The following ARL10 variants were observed in gnomAD, a reference collection of about 807,000 sequenced individuals.
The protein encoded by ARL10 is ARF like GTPase 10.
ARL10 carries 23 observed loss-of-function variants against 26.1 expected under a neutral mutation model. That is an observed-to-expected ratio of 0.88 (90% CI 0.63 to 1.25). The LOEUF (loss-of-function observed/expected upper bound fraction) is 1.25, where lower values mean the gene tolerates loss of function less well. Among genes scored for constraint, ARL10 ranks in the 50% most tolerant of loss-of-function variants. ARL10 has a pLI of 0.00. For missense variants in ARL10, 300 were observed against 323.6 expected, an observed-to-expected ratio of 0.93 and a Z score of 0.56; for synonymous variants, 138 against 149.1, an observed-to-expected ratio of 0.93 and a Z score of 0.54.
downstream of ARL10, chr5:176,383,898 GC>G: frequency 1.4e-6 from 2 of 1,386,304 alleles, no homozygotes; most frequent in Non-Finnish European, 1.9e-6. Flanking sequence ...CACCGGGGCA[GC>G]CCCAGGGTTT....
chr5:176,398,104 G>A, intron 1 of ARL10: 1 of 1,500,742 alleles, frequency 6.7e-7, no homozygotes, highest in Non-Finnish European at 9.3e-7. Flanking sequence ...CGCTGTCTCT[G>A]CTGCCCCTGC....
chr5:176,369,587 G>T (rs960632351), intron 3 of ARL10, among the ~76,000 whole-genome samples: 2 of 152,118 alleles, frequency 1.3e-5, no homozygotes, highest in Non-Finnish European at 2.9e-5. Context: ...ACCCTATAAA[G>T]TATGGGATGC....
downstream of ARL10, chr5:176,392,594 G>C: frequency 1.6e-6 from 1 of 622,454 alleles, no homozygotes. The surrounding 1 kb of genome is among the most constrained non-coding windows in gnomAD (Gnocchi z 5.2). Flanking sequence ...GGCTGGACCA[G>C]AGGGCCAGGA....
rs1768401507 is a variant in ARL10, at chr5:176,368,434, G to A, written c.386-373G>A. Among the ~76,000 whole-genome samples, 1 of 152,072 alleles carries A rather than the reference G, an allele frequency of 6.6e-6. No individual in the cohort carries two copies. The highest frequency in any genetic ancestry group is 2.4e-5 in the African/African-American group (1 of 41,414). On this transcript the variant is annotated intron_variant, in intron 2 of 3. Coordinates refer to ENST00000310389, the MANE Select transcript of ARL10 (RefSeq NM_173664.6). This position sits in a 1 kb window ranked among gnomAD's most constrained non-coding sequence, Gnocchi z 4.1. ...AGAACTGAAGACTTCCATTTACTGA[G>A]CACCTGTGTGTCAGTCCCGTGAAAG...
chr5:176,398,117 G>C (rs919173989), intron 1 of ARL10: 25 of 1,397,054 alleles, frequency 1.8e-5, no homozygotes, highest in Non-Finnish European at 2.3e-5. Flanking sequence ...GCCCCTGCTG[G>C]GGACCCACTC....
chr5:176,388,369 A>C lies in ARL10; in HGVS notation c.111A>C (p.Gly37=), dbSNP rs372982357. Residue 37 remains glycine (G), a synonymous_variant, in exon 2 of 2, where the codon GGA becomes GGC. Coordinates refer to the ARL10 transcript ENST00000503175. The stretch of plus-strand genomic sequence containing the variant: ...CTACCGGCAAAGAGAGACATCGCGG[A>C]TCCGTCATCTCGCGGACCGTCCCGG... 2.7e-5 allele frequency: 43 copies of C among 1,612,850 alleles called. No individual in the cohort carries two copies. In the African/African-American group the frequency reaches 4.9e-4, roughly 19 times the overall value.
chr5:176,371,232 A>G lies in ARL10; in HGVS notation c.562-490A>G, dbSNP rs190223158. 1.8e-3 allele frequency among the ~76,000 whole-genome samples: 276 copies of G among 152,164 alleles called. 1 individual carries two copies. The highest frequency in any genetic ancestry group is 2.2e-3 in the Non-Finnish European group (147 of 67,992). The stretch of plus-strand genomic sequence containing the variant: ...TCTACTAAAAATACAAAAATTAGCC[A>G]GGCGTGGTGGCTCACACCTGTAGTC... On this transcript the variant is annotated intron_variant, in intron 3 of 3. Transcript: ENST00000310389.
At chr5:176,384,098 G>C, downstream of ARL10, 1 of 1,605,190 alleles carries the variant, frequency 6.2e-7, no homozygotes, top group African/African-American at 1.3e-5. Context: ...GCACGTGTGT[G>C]TGTAACCTTC....
Position 176,372,229 on chromosome 5 carries a change from T to G in ARL10, c.*334T>G. 2 of 416,158 alleles carry G rather than the reference T, an allele frequency of 4.8e-6. No homozygotes were observed. Among genetic ancestry groups the G allele is most frequent in the Non-Finnish European group, 7.4e-6 (2 of 272,054 alleles). The allele number at this position is 416,158 out of a possible 1,614,324, so 25.8% of individuals were successfully genotyped here. On this transcript the variant is annotated 3_prime_UTR_variant, in exon 4 of 4. Transcript: ENST00000310389. ...CTCAATCCTCCACTACAGGTCCCGG[T>G]ACCTGAGGAACCAGTGTAGGTGTCA...
chr5:176,403,740 C>T (rs888042229), downstream of ARL10, among the ~76,000 whole-genome samples: 2 of 151,134 alleles, frequency 1.3e-5, no homozygotes, highest in Admixed American at 6.6e-5. Context: ...GCGTGAGCCA[C>T]GGTGCCCGGC....
Position 176,371,830 on chromosome 5 carries a change from G to A in ARL10, c.670G>A (p.Gly224Arg). The A allele has an allele frequency of 3.1e-6, 5 of 1,614,216 alleles. No homozygotes were observed. The highest frequency in any genetic ancestry group is 4.2e-6 in the Non-Finnish European group (5 of 1,180,046). ...FLLAASIAPA[G>R]PTFEEPGTVH... Reference sequence around the variant, plus strand: ...CTTGGCAGCCAGCATTGCCCCTGCAGGACCCACCTTTGAAGAGCCTGGCAC... The same window carrying A: ...CTTGGCAGCCAGCATTGCCCCTGCAAGACCCACCTTTGAAGAGCCTGGCAC... The change falls in exon 4 of 4, where the codon GGA becomes AGA. Residue 224 changes from glycine (G) to arginine (R), a missense_variant. Transcript: ENST00000310389.
chr5:176,396,592 G>T, intron 1 of ARL10: 1 of 1,234,968 alleles, frequency 8.1e-7, no homozygotes, highest in Non-Finnish European at 1.2e-6. Context: ...AAGACAGACA[G>T]GCAGGCAGAA....
At chr5:176,388,688 G>T, downstream of ARL10, 2 of 1,381,846 alleles carry the variant, frequency 1.4e-6, no homozygotes, top group South Asian at 1.3e-5. Context: ...TGAGCACTAC[G>T]ACTCCCAGGA....
intron 1 of ARL10, among the ~76,000 whole-genome samples, chr5:176,394,630 C>A (rs113661709): frequency 1.4e-5 from 2 of 147,736 alleles, no homozygotes; most frequent in African/African-American, 5.0e-5. Context: ...CTGGCTAACA[C>A]GGTGAAACCC....
At position 176,369,770 on chromosome 5, in the gene ARL10, A is replaced by AC. The variant is rs1281646307; in HGVS notation, c.561+789dup. ...CAGGAGTTCGAGACCAGCCTGGGCAACATGGTGAAACTCCGTCTCTACAAA... is the reference window on the plus strand; with the variant it reads ...CAGGAGTTCGAGACCAGCCTGGGCAACCATGGTGAAACTCCGTCTCTACAAA... On this transcript the variant is annotated intron_variant, in intron 3 of 3. Transcript: ENST00000310389. 2.6e-5 allele frequency among the ~76,000 whole-genome samples: 4 copies of AC among 152,134 alleles called. No homozygotes were observed. In the East Asian group the frequency reaches 7.7e-4, roughly 29 times the overall value.
chr5:176,406,088 C>A, downstream of ARL10: 1 of 926,000 alleles, frequency 1.1e-6, no homozygotes. Context: ...TATTTTCCTG[C>A]CCCTGTCCCC....
downstream of ARL10, chr5:176,385,478 T>C: frequency 1.6e-6 from 1 of 614,642 alleles, no homozygotes; most frequent in Non-Finnish European, 2.9e-6. Context: ...CCCAAATCCA[T>C]TGTTGGAACC....
At chr5:176,371,192 C>A (rs545978527) in intron 3 of ARL10, among the ~76,000 whole-genome samples, 5 of 152,044 alleles carry the variant, frequency 3.3e-5, no homozygotes, top group Non-Finnish European at 7.4e-5. Flanking sequence ...CTGGCCAGCA[C>A]GGCGAAACCC....
intron 1 of ARL10, among the ~76,000 whole-genome samples, chr5:176,394,443 G>A (rs1454983194): frequency 2.0e-5 from 3 of 152,176 alleles, no homozygotes; most frequent in African/African-American, 4.8e-5. Context: ...AGGCAGAGGC[G>A]GGTGGATCAC....
Sources: allele counts gnomAD v4.1 joint callset (sites outside exome capture counted in the v4.1 genomes callset), GRCh38; gene constraint gnomAD v4.1.1; non-coding constraint Gnocchi (gnomAD v3.1); transcripts MANE v1.5; gene names NCBI Gene and HGNC (gene_info 2026-07-23, HGNC 2026-07-21).